Variants in EPB41L4A observed in about 807,000 individuals in gnomAD.
EPB41L4A encodes erythrocyte membrane protein band 4.1 like 4A.
In EPB41L4A, 100 loss-of-function variants were observed where a neutral mutation model predicts 108.6. The observed-to-expected ratio is 0.92, with a 90% CI of 0.78 to 1.09. The LOEUF (loss-of-function observed/expected upper bound fraction) is 1.09. EPB41L4A is among the 50% of genes least tolerant of loss of function. The pLI is 0.00. For missense variants in EPB41L4A, 1,030 were observed against 842.7 expected, an observed-to-expected ratio of 1.22 and a Z score of -2.75; for synonymous variants, 319 against 289.0, an observed-to-expected ratio of 1.10 and a Z score of -1.05.
At chr5:112,208,596 G>T (rs779679814) in intron 13 of EPB41L4A, among the ~76,000 whole-genome samples, 3 of 152,108 alleles carry the variant, frequency 2.0e-5, no homozygotes, top group Non-Finnish European at 4.4e-5. Context: ...GGGGGCAAGG[G>T]TTGAAAACTA....
chr5:112,278,570 C>T (rs75769109), intron 3 of EPB41L4A, among the ~76,000 whole-genome samples: 9,429 of 151,936 alleles, frequency 0.062, 368 homozygotes, highest in Middle Eastern at 0.11. Flanking sequence ...TTTAATATTG[C>T]ATTTTTAGAA....
intron 9 of EPB41L4A, among the ~76,000 whole-genome samples, chr5:112,251,550 AC>A (rs2150410914): frequency 6.6e-6 from 1 of 152,284 alleles, no homozygotes; most frequent in South Asian, 2.1e-4. Flanking sequence ...ACAGTATGCT[AC>A]TTTTAGGAAA....
At chr5:112,389,355 C>A (rs1337392689) in intron 1 of EPB41L4A, among the ~76,000 whole-genome samples, 2 of 152,194 alleles carry the variant, frequency 1.3e-5, no homozygotes, top group African/African-American at 4.8e-5. Flanking sequence ...TAGGCCCCAA[C>A]AGACCAGACT....
At chr5:112,341,067 TC>T (rs1468370751) in intron 1 of EPB41L4A, among the ~76,000 whole-genome samples, 3 of 152,156 alleles carry the variant, frequency 2.0e-5, no homozygotes, top group Non-Finnish European at 4.4e-5. Context: ...ACGCCATCTC[TC>T]CTATCCCCAT....
At chr5:112,378,519 C>T (rs1202438732) in intron 1 of EPB41L4A, among the ~76,000 whole-genome samples, 1 of 152,108 alleles carries the variant, frequency 6.6e-6, no homozygotes, top group Non-Finnish European at 1.5e-5. Context: ...GAGAAAGTTT[C>T]CCAGACATTG....
upstream of EPB41L4A, chr5:112,419,858 C>T (rs1359592784): frequency 2.2e-6 from 1 of 456,658 alleles, no homozygotes; most frequent in African/African-American, 2.0e-5. Context: ...AGTTCAAGCT[C>T]TCCCTCCGGG....
intron 9 of EPB41L4A, among the ~76,000 whole-genome samples, chr5:112,257,465 C>G (rs1019231775): frequency 6.6e-6 from 1 of 151,968 alleles, no homozygotes; most frequent in Non-Finnish European, 1.5e-5. Context: ...ACACCTAAGC[C>G]GAGTACACAG....
chr5:112,326,663 T>C lies in EPB41L4A; in HGVS notation c.100-19173A>G, dbSNP rs143876706. 5.2e-3 allele frequency among the ~76,000 whole-genome samples: 785 copies of C among 152,350 alleles called. 4 individuals are homozygous for C. The highest frequency in any genetic ancestry group is 0.02 in the Middle Eastern group (6 of 294). ...TTCGGCACTCCTAAAAAGGATGTTA[T>C]GTGTGGCAGTTCACACTGCAAAATG... On this transcript the variant is annotated intron_variant, in intron 1 of 22. Transcript: ENST00000261486.
intron 17 of EPB41L4A, among the ~76,000 whole-genome samples, chr5:112,193,199 G>T (rs1334776998): frequency 6.6e-6 from 1 of 152,220 alleles, no homozygotes; most frequent in East Asian, 1.9e-4. Flanking sequence ...TGTAGTTAGA[G>T]GATCACTGAT....
intron 1 of EPB41L4A, among the ~76,000 whole-genome samples, chr5:112,413,289 T>C (rs1404502089): frequency 6.6e-6 from 1 of 152,234 alleles, no homozygotes; most frequent in African/African-American, 2.4e-5. Context: ...TTCAGTCCAC[T>C]GCACCGTCTC....
intron 12 of EPB41L4A, among the ~76,000 whole-genome samples, chr5:112,153,496 T>C (rs915216728): frequency 6.9e-6 from 1 of 145,832 alleles, no homozygotes; most frequent in Non-Finnish European, 1.5e-5. Flanking sequence ...GCCACTGCAC[T>C]CCAGCCAGGG....
At chr5:112,171,049 A>G in intron 18 of EPB41L4A, 57 bp from the exon 19 acceptor site, 1 of 1,439,414 alleles carries the variant, frequency 6.9e-7, no homozygotes. Flanking sequence ...TCACAACCTA[A>G]TAACTAACTT....
At chr5:112,231,816 A>C (rs1199682729) in intron 12 of EPB41L4A, among the ~76,000 whole-genome samples, 3 of 91,120 alleles carry the variant, frequency 3.3e-5, no homozygotes, top group Non-Finnish European at 7.4e-5. Context: ...AAAAAAAAAA[A>C]GGATCCACCT....
At chr5:112,167,497 G>C (rs919778634) in intron 22 of EPB41L4A, among the ~76,000 whole-genome samples, 15 of 152,004 alleles carry the variant, frequency 9.9e-5, no homozygotes, top group African/African-American at 3.1e-4. Context: ...GTTGCCTGCC[G>C]TGTAGCTCAA....
intron 9 of EPB41L4A, among the ~76,000 whole-genome samples, chr5:112,258,504 A>C (rs1751266645): frequency 6.6e-6 from 1 of 152,198 alleles, no homozygotes; most frequent in African/African-American, 2.4e-5. Context: ...ATATGGATTA[A>C]ACATCTTATT....
At chr5:112,247,865 G>C (rs1364534058) in intron 9 of EPB41L4A, among the ~76,000 whole-genome samples, 1 of 152,118 alleles carries the variant, frequency 6.6e-6, no homozygotes, top group African/African-American at 2.4e-5. Flanking sequence ...TACTTTTCAA[G>C]TACAGACCTT....
chr5:112,162,796 A>G lies in EPB41L4A; in HGVS notation c.*2194T>C, dbSNP rs1339653497. On this transcript the variant is annotated 3_prime_UTR_variant, in exon 23 of 23. Coordinates refer to ENST00000261486, the MANE Select transcript of EPB41L4A (RefSeq NM_022140.5). The stretch of plus-strand genomic sequence containing the variant: ...TAGGATTTTCTTAGGGAAACCTGAG[A>G]AAGAGTTGAGACTAAAGGTATGTGT... 1 of 152,220 alleles carries G rather than the reference A, an allele frequency of 6.6e-6. No individual in the cohort carries two copies. Among genetic ancestry groups the G allele is most frequent in the African/African-American group, 2.4e-5 (1 of 41,458 alleles). 9.4% of individuals were successfully genotyped at this position (152,220 alleles called of 1,614,324 possible). A position where few individuals can be genotyped will look rare whatever the true frequency, so the allele number is the denominator to read the frequency against.
intron 17 of EPB41L4A, among the ~76,000 whole-genome samples, chr5:112,193,679 A>T (rs1761819379): frequency 6.6e-6 from 1 of 152,242 alleles, no homozygotes; most frequent in Admixed American, 6.5e-5. Flanking sequence ...AGGTGAAAAC[A>T]GGTTTCTCAA....
intron 2 of EPB41L4A, among the ~76,000 whole-genome samples, chr5:112,286,768 G>A (rs911943041): frequency 6.6e-6 from 1 of 151,866 alleles, no homozygotes; most frequent in African/African-American, 2.4e-5. Flanking sequence ...TGGAAGAATG[G>A]TGGCTTTATT....
Sources: gnomAD v4.1 joint callset for allele counts (sites outside exome capture counted in the v4.1 genomes callset) on GRCh38, gnomAD v4.1.1 for gene constraint, MANE v1.5 for transcripts, NCBI Gene and HGNC (gene_info 2026-07-23, HGNC 2026-07-21) for gene names.